The following ARHGEF18 variants were observed in gnomAD, a reference collection of about 807,000 sequenced individuals.
ARHGEF18 encodes the protein Rho/Rac guanine nucleotide exchange factor 18.
A neutral mutation model predicts 155.7 loss-of-function variants in ARHGEF18; 93 were observed. The ratio of observed to expected loss-of-function variants is 0.60; its 90% CI spans 0.50 to 0.71. The LOEUF (loss-of-function observed/expected upper bound fraction) is 0.71, where lower values mean the gene tolerates loss of function less well. ARHGEF18 is among the 30% of genes least tolerant of loss of function. ARHGEF18 has a pLI of 0.00. For synonymous variants in ARHGEF18, 742 were observed against 753.1 expected (o/e 0.99, Z 0.24); for missense variants, 1,593 against 1,816.1 (o/e 0.88, Z 2.23).
At chr19:7,474,134 T>C (rs1568375419), downstream of ARHGEF18, among the ~76,000 whole-genome samples, 1 of 150,846 alleles carries the variant, frequency 6.6e-6, no homozygotes, top group African/African-American at 2.4e-5. Flanking sequence ...AGGTCCGGAG[T>C]TTGAGACCAG....
Position 7,382,833 on chromosome 19 carries a change from G to A in ARHGEF18, c.764G>A (p.Ser255Asn). ...GGCAAGAACGAGAAGAGTGACAAGAGTACCAGTGTGAAGCGCAGGCTGAGC... is the reference window on the plus strand; with the variant it reads ...GGCAAGAACGAGAAGAGTGACAAGAATACCAGTGTGAAGCGCAGGCTGAGC... ...GAGKNEKSDK[S>N]TSVKRRLSCL... The change falls in exon 9 of 29, where the codon AGT (serine) becomes AAT (asparagine). Residue 255 changes from serine to asparagine, a missense_variant. Ser to Asn is a conservative substitution (Grantham distance 46, BLOSUM62 1). Coordinates refer to ENST00000668164, the MANE Select transcript of ARHGEF18 (RefSeq NM_001367823.1). 8.1e-7 allele frequency: 1 copy of A among 1,232,584 alleles called. No homozygotes were observed. The highest frequency in any genetic ancestry group is 1.0e-6 in the Non-Finnish European group (1 of 988,114). The allele number at this position is 1,232,584 out of a possible 1,614,324, so 76.4% of individuals were successfully genotyped here.
chr19:7,414,404 C>T (rs77548987), intron 10 of ARHGEF18, among the ~76,000 whole-genome samples: 5 of 152,086 alleles, frequency 3.3e-5, no homozygotes, highest in Non-Finnish European at 7.3e-5. Context: ...GGGCCAGGCG[C>T]GGTGGCTGAT....
the ARHGEF18 span, among the ~76,000 whole-genome samples, chr19:7,478,707 C>G: frequency 6.6e-6 from 1 of 152,240 alleles, no homozygotes; most frequent in Non-Finnish European, 1.5e-5. Flanking sequence ...GAGTCCTACA[C>G]AGAAAAGGAT....
intron 14 of ARHGEF18, among the ~76,000 whole-genome samples, chr19:7,445,147 G>A (rs762243652): frequency 5.3e-5 from 8 of 152,104 alleles, no homozygotes; most frequent in African/African-American, 1.2e-4. Flanking sequence ...GCTTTCAACC[G>A]TTCAAAGCTT....
At chr19:7,367,175 GC>G (rs1429795818) in intron 2 of ARHGEF18, among the ~76,000 whole-genome samples, 4 of 152,328 alleles carry the variant, frequency 2.6e-5, no homozygotes, top group African/African-American at 7.2e-5. Context: ...GTGGCAGTAT[GC>G]CCATTTTAGA....
At chr19:7,479,684 G>A in the ARHGEF18 span, among the ~76,000 whole-genome samples, 482 of 152,340 alleles carry the variant, frequency 3.2e-3, 4 homozygotes, top group African/African-American at 0.011. Context: ...CAAGAATGCC[G>A]CAGCAGGCGG....
intron 2 of ARHGEF18, among the ~76,000 whole-genome samples, chr19:7,363,729 T>C (rs1386243975): frequency 8.0e-6 from 1 of 125,136 alleles, no homozygotes; most frequent in African/African-American, 3.1e-5. Flanking sequence ...GAAAGATGGA[T>C]GGGTGAAAGG....
At chr19:7,442,128 T>TC in intron 13 of ARHGEF18, 76 bp downstream of exon 13, 4 of 52,298 alleles carry the variant, frequency 7.6e-5, no homozygotes, top group Non-Finnish European at 8.0e-5. Flanking sequence ...CTCCCTCCCT[T>TC]CCTTCCTTCC....
At position 7,463,857 on chromosome 19, in the gene ARHGEF18, G is replaced by A. The variant is rs775015694; in HGVS notation, c.2675G>A (p.Ser892Asn). 2.5e-6 allele frequency: 4 copies of A among 1,606,140 alleles called. No homozygotes were observed. The highest frequency in any genetic ancestry group is 2.7e-5 in the African/African-American group (2 of 74,924). Residue 892 changes from serine to asparagine, a missense_variant, in exon 22 of 29, where the codon AGC (serine) becomes AAC (asparagine). Ser to Asn is a conservative substitution (Grantham distance 46, BLOSUM62 1). Transcript: ENST00000668164. This position sits in a 1 kb window ranked among gnomAD's most constrained non-coding sequence, Gnocchi z 5.2. Reference protein sequence around the residue: ...IQSLICRQLGSANGQAEDGGS... With the variant: ...IQSLICRQLGNANGQAEDGGS... Reference sequence around the variant, plus strand: ...AGCCTGATCTGCAGGCAGCTGGGCAGCGCCAACGGCCAGGCGGAAGACGGA... The same window carrying A: ...AGCCTGATCTGCAGGCAGCTGGGCAACGCCAACGGCCAGGCGGAAGACGGA...
chr19:7,433,586 G>A (rs139265107), intron 10 of ARHGEF18, among the ~76,000 whole-genome samples: 3 of 150,056 alleles, frequency 2.0e-5, no homozygotes, highest in East Asian at 3.9e-4. Flanking sequence ...CTACTCAGCC[G>A]TTTTCATGTA....
At chr19:7,389,077 T>C (rs1971243513) in intron 10 of ARHGEF18, among the ~76,000 whole-genome samples, 1 of 150,814 alleles carries the variant, frequency 6.6e-6, no homozygotes, top group African/African-American at 2.4e-5. Context: ...CCTCGACTTC[T>C]TGGGCTCAAG....
rs921965335 is a variant in ARHGEF18 at position 7,440,772 on chromosome 19, A to G, written c.1106+290A>G. 5.9e-5 allele frequency among the ~76,000 whole-genome samples: 9 copies of G among 152,108 alleles called. No individual in the cohort carries two copies. Among genetic ancestry groups the G allele is most frequent in the Non-Finnish European group, 1.2e-4 (8 of 68,026 alleles). On this transcript the variant is annotated intron_variant, in intron 11 of 28. Transcript: ENST00000668164. This position sits in a 1 kb window ranked among gnomAD's most constrained non-coding sequence, Gnocchi z 5.4. ...CCGGGCTCCTGACTTACTCAAGGCGATGCTCAAAGTCCTGCTGGGTGTGTG... is the reference window on the plus strand; with the variant it reads ...CCGGGCTCCTGACTTACTCAAGGCGGTGCTCAAAGTCCTGCTGGGTGTGTG...
In ARHGEF18 at chr19:7,468,819, C is replaced by T. The variant is rs1345438967; in HGVS notation, c.3481-6C>T. On this transcript the variant is annotated splice_region_variant and splice_polypyrimidine_tract_variant and intron_variant, in intron 26 of 28. Coordinates refer to ENST00000668164, the MANE Select transcript of ARHGEF18 (RefSeq NM_001367823.1). ...ACATTGGATGTATCTGCTGTTGTCC[C>T]CTCAGGCCCAGCCCCCAAGCCACCC... The T allele has an allele frequency of 6.5e-7, 1 of 1,542,026 alleles. No homozygotes were observed. Among genetic ancestry groups the T allele is most frequent in the South Asian group, 1.2e-5 (1 of 82,980 alleles).
At chr19:7,416,574 T>C (rs1285989288) in intron 10 of ARHGEF18, among the ~76,000 whole-genome samples, 1 of 142,312 alleles carries the variant, frequency 7.0e-6, no homozygotes, top group Non-Finnish European at 1.5e-5. Flanking sequence ...TGTGTGTGTG[T>C]GTGTTTTGGG....
chr19:7,451,253 C>G lies in ARHGEF18; in HGVS notation c.1842C>G (p.Ile614Met). Residue 614 changes from isoleucine to methionine, a missense_variant, in exon 16 of 29, where the codon ATC becomes ATG. Ile to Met is a conservative substitution (Grantham distance 10, BLOSUM62 1). Transcript: ENST00000668164. ...TKYPVLVERI[I>M]QNTEAGTEDY... is the part of the protein sequence containing the mutation. ...ACCCAGTGCTGGTGGAGCGCATCAT[C>G]CAGAACACGGAAGGTAGGCCTTCTC... is the stretch of plus-strand genomic sequence containing the variant. The G allele has an allele frequency of 6.2e-7, 1 of 1,612,988 alleles. No homozygotes were observed.
rs1396995978 is a variant in ARHGEF18 at position 7,463,819 on chromosome 19, C to T, written c.2637C>T (p.Ile879=). The change falls in exon 22 of 29, where the codon ATC becomes ATT. Residue 879 remains isoleucine, a splice_region_variant and synonymous_variant. Coordinates refer to ENST00000668164, the MANE Select transcript of ARHGEF18 (RefSeq NM_001367823.1). The surrounding 1 kb of genome is among the most constrained non-coding windows in gnomAD (Gnocchi z 5.2). ...ELILKSAMSE[I]EGIQSLICRQ... ...CCTCCTGTCCCCTTCCTTCCACAGT[C>T]GAGGGCATCCAGAGCCTGATCTGCA... 5.6e-6 allele frequency: 9 copies of T among 1,606,018 alleles called. No homozygotes were observed. Among genetic ancestry groups the T allele is most frequent in the Middle Eastern group, 1.7e-4 (1 of 5,968 alleles).
intron 10 of ARHGEF18, among the ~76,000 whole-genome samples, chr19:7,417,143 C>T (rs1376282164): frequency 2.0e-5 from 3 of 152,102 alleles, no homozygotes; most frequent in Non-Finnish European, 4.4e-5. Context: ...CTCCTGACCT[C>T]AAGTGATCCA....
intron 13 of ARHGEF18, among the ~76,000 whole-genome samples, chr19:7,443,374 A>AT (rs907247874): frequency 2.0e-5 from 3 of 151,518 alleles, no homozygotes; most frequent in African/African-American, 7.3e-5. Context: ...TCATTTTTTT[A>AT]TTTTTTGGTA....
intron 10 of ARHGEF18, among the ~76,000 whole-genome samples, chr19:7,389,398 G>C (rs1342846815): frequency 6.8e-6 from 1 of 147,134 alleles, no homozygotes; most frequent in Non-Finnish European, 1.5e-5. Context: ...GGGCTCAAGC[G>C]ATCCACCCAC....
Sources: allele counts gnomAD v4.1 joint callset (sites outside exome capture counted in the v4.1 genomes callset), GRCh38; gene constraint gnomAD v4.1.1; non-coding constraint Gnocchi (gnomAD v3.1); transcripts MANE v1.5; gene names NCBI Gene and HGNC (gene_info 2026-07-23, HGNC 2026-07-21).